The following HFM1 variants were observed in gnomAD, a reference collection of about 807,000 sequenced individuals.
The protein encoded by HFM1 is probable ATP-dependent DNA helicase HFM1.
A neutral mutation model predicts 192.1 loss-of-function variants in HFM1; 169 were observed. The observed-to-expected ratio is 0.88, with a 90% CI of 0.78 to 1.00. HFM1 has a LOEUF of 1.00. Among genes scored for constraint, HFM1 ranks in the 50% least tolerant of loss-of-function variants. The pLI, the probability that HFM1 is intolerant of heterozygous loss-of-function variation, is 0.00. For missense variants in HFM1, 1,661 were observed against 1,668.0 expected, an observed-to-expected ratio of 1.00 and a Z score of 0.07; for synonymous variants, 525 against 537.8, an observed-to-expected ratio of 0.98 and a Z score of 0.33.
At chr1:91,366,289 C>T (rs1399398165) in intron 13 of HFM1, among the ~76,000 whole-genome samples, 1 of 152,192 alleles carries the variant, frequency 6.6e-6, no homozygotes, top group African/African-American at 2.4e-5. Flanking sequence ...CCTTAGGACA[C>T]CAGATATTTC....
Position 91,379,156 on chromosome 1 carries a change from T to C in HFM1, c.1065A>G (p.Gly355=), listed in dbSNP as rs767845201. ...GTTCTTTACAATTCAATCCTATTGG[T>C]CCAAATTTTTCTTTCCAGTCATCAA... The part of the protein sequence containing the change: ...QRFDDWKEKF[G]PIGLNCKELT... The change falls in exon 9 of 39, where the codon GGA becomes GGG. Residue 355 remains glycine (G), a synonymous_variant. Coordinates refer to ENST00000370425, the MANE Select transcript of HFM1 (RefSeq NM_001017975.6). 6.8e-6 allele frequency: 11 copies of C among 1,609,276 alleles called. No individual in the cohort carries two copies. The highest frequency in any genetic ancestry group is 1.7e-4 in the Middle Eastern group (1 of 6,054).
chr1:91,289,960 G>A (rs1235736512), intron 30 of HFM1, among the ~76,000 whole-genome samples: 2 of 152,098 alleles, frequency 1.3e-5, no homozygotes, highest in Non-Finnish European at 2.9e-5. Context: ...AGCTTCATAA[G>A]TGAAGGAGAA....
At chr1:91,367,116 G>A (rs1163945163) in intron 13 of HFM1, among the ~76,000 whole-genome samples, 10 of 152,208 alleles carry the variant, frequency 6.6e-5, no homozygotes, top group East Asian at 3.9e-4. Context: ...CAGGAAGCTC[G>A]AACTGGGTGG....
At chr1:91,350,945 T>C (rs1656853632) in intron 17 of HFM1, 74 bp from the exon 18 acceptor site, 6 of 1,166,282 alleles carry the variant, frequency 5.1e-6, no homozygotes, top group African/African-American at 1.6e-5. Context: ...TTTAATAATA[T>C]AGAATATACC....
intron 18 of HFM1, 58 bp downstream of exon 18, chr1:91,350,679 TA>T: frequency 6.6e-7 from 1 of 1,523,626 alleles, no homozygotes; most frequent in Non-Finnish European, 9.0e-7. Context: ...CTTATTAGTA[TA>T]AATACAGGCC....
chr1:91,375,245 A>G (rs532303437), intron 13 of HFM1, 113 bp downstream of exon 13: 8 of 657,354 alleles, frequency 1.2e-5, no homozygotes, highest in African/African-American at 1.1e-4. Flanking sequence ...CTTATTTTAT[A>G]GATGAGGACA....
intron 30 of HFM1, among the ~76,000 whole-genome samples, chr1:91,304,633 ATT>A (rs58215219): frequency 0.77 from 107,966 of 140,700 alleles, 41,250 homozygotes; most frequent in South Asian, 0.84. Flanking sequence ...CAGCCGGCTA[ATT>A]TTTTTTTTTT....
At chr1:91,300,096 G>A (rs902444581) in intron 30 of HFM1, among the ~76,000 whole-genome samples, 2 of 152,000 alleles carry the variant, frequency 1.3e-5, no homozygotes, top group African/African-American at 4.8e-5. Flanking sequence ...AAATGATAAA[G>A]GGGATATCAC....
At chr1:91,353,656 A>AAAAAAAAAAAAAAAAAAAGG in intron 13 of HFM1, among the ~76,000 whole-genome samples, 1 of 149,840 alleles carries the variant, frequency 6.7e-6, no homozygotes, top group Non-Finnish European at 1.5e-5. Context: ...AATAAGCAAA[A>AAAAAAAAAAAAAAAAAAAGG]AAAAAAAAAA....
At chr1:91,341,987 T>C (rs940502702) in intron 20 of HFM1, among the ~76,000 whole-genome samples, 18 of 151,894 alleles carry the variant, frequency 1.2e-4, no homozygotes, top group African/African-American at 4.3e-4. Context: ...ACCAGACTGA[T>C]TCACAGCCAA....
intron 13 of HFM1, among the ~76,000 whole-genome samples, chr1:91,356,176 A>C (rs978673288): frequency 1.3e-5 from 2 of 152,290 alleles, no homozygotes; most frequent in Admixed American, 1.3e-4. Flanking sequence ...AAATATCTTG[A>C]GACAAGTAAC....
Position 91,353,156 on chromosome 1 carries a change from T to C in HFM1, c.1730-4A>G, listed in dbSNP as rs973697169. 2.5e-6 allele frequency: 4 copies of C among 1,596,402 alleles called. No homozygotes were observed. The East Asian group carries it at 9.0e-5, about 36-fold the overall frequency. On this transcript the variant is annotated splice_polypyrimidine_tract_variant and splice_region_variant and intron_variant, in intron 14 of 38. Coordinates refer to ENST00000370425, the MANE Select transcript of HFM1 (RefSeq NM_001017975.6). ...GCAGCACCATCTTTTAAGATATCTG[T>C]AATAGAAATATATCAGCTGTTACTA... is the stretch of plus-strand genomic sequence containing the variant.
At chr1:91,376,486 A>G (rs892086608) in intron 11 of HFM1, among the ~76,000 whole-genome samples, 4 of 152,050 alleles carry the variant, frequency 2.6e-5, no homozygotes, top group Non-Finnish European at 4.4e-5. Context: ...AGACAGAAAC[A>G]GCATTCACAC....
intron 13 of HFM1, among the ~76,000 whole-genome samples, chr1:91,368,388 C>T (rs1413902015): frequency 6.6e-6 from 1 of 152,224 alleles, no homozygotes; most frequent in Admixed American, 6.5e-5. Flanking sequence ...AACAGACTAA[C>T]AGCTGATCTC....
intron 22 of HFM1, 41 bp downstream of exon 22, chr1:91,323,052 A>C: frequency 7.4e-7 from 1 of 1,356,906 alleles, no homozygotes. Flanking sequence ...TAATTAAATA[A>C]AACCTCTTAA....
At chr1:91,274,850 A>T in intron 32 of HFM1, 41 bp from the exon 33 acceptor site, 1 of 1,027,836 alleles carries the variant, frequency 9.7e-7, no homozygotes, top group Non-Finnish European at 1.5e-6. Context: ...TCAGTTTCAC[A>T]TCAATAACTT....
In HFM1 at chr1:91,347,435, A is replaced by C. The variant is rs1400901273; in HGVS notation, c.2248T>G (p.Leu750Val). 6.3e-7 allele frequency: 1 copy of C among 1,580,372 alleles called. No individual in the cohort carries two copies. Among genetic ancestry groups the C allele is most frequent in the South Asian group, 1.2e-5 (1 of 85,986 alleles). ...AGAATGAAATGCATCTAACCTTGTAATTTTGCTTCAATTCCATCTTTGTTC... is the reference window on the plus strand; with the variant it reads ...AGAATGAAATGCATCTAACCTTGTACTTTTGCTTCAATTCCATCTTTGTTC... ...GLNKDGIEAK[L>V]QELCLKNLND... The change falls in exon 19 of 39, where the codon TTA (leucine) becomes GTA (valine). Residue 750 changes from leucine (L) to valine (V), a missense_variant. Transcript: ENST00000370425.
Position 91,314,014 on chromosome 1 carries a change from C to T in HFM1, c.3187G>A (p.Val1063Met). The change falls in exon 29 of 39, where the codon GTG (valine) becomes ATG (methionine). Residue 1063 changes from valine (V) to methionine (M), a missense_variant. Coordinates refer to ENST00000370425, the MANE Select transcript of HFM1 (RefSeq NM_001017975.6). ...KAGSWAKKIA[V>M]KRALKSEDLS... Reference sequence around the variant, plus strand: ...TCTTCAGATTTAAGAGCTCTTTTCACAGCAATCTTTTTAGCCCAACTTCCA... The same window carrying T: ...TCTTCAGATTTAAGAGCTCTTTTCATAGCAATCTTTTTAGCCCAACTTCCA... 1.9e-6 allele frequency: 3 copies of T among 1,611,136 alleles called. No homozygotes were observed. Among genetic ancestry groups the T allele is most frequent in the Non-Finnish European group, 2.5e-6 (3 of 1,178,166 alleles).
chr1:91,289,248 C>A (rs1440302375), intron 30 of HFM1, among the ~76,000 whole-genome samples: 1 of 151,770 alleles, frequency 6.6e-6, no homozygotes, highest in African/African-American at 2.4e-5. Context: ...CAGAGGCGCT[C>A]TTCACATCTC....
Sources: allele counts gnomAD v4.1 joint callset (sites outside exome capture counted in the v4.1 genomes callset), GRCh38; gene constraint gnomAD v4.1.1; transcripts MANE v1.5; gene names NCBI Gene and HGNC (gene_info 2026-07-23, HGNC 2026-07-21).